Variants in NFIB observed in about 807,000 individuals in gnomAD.
NFIB encodes the protein nuclear factor 1 B-type.
NFIB carries 11 observed loss-of-function variants against 61.5 expected under a neutral mutation model. The ratio of observed to expected loss-of-function variants is 0.18; its 90% CI spans 0.11 to 0.30. The LOEUF is 0.30. Among genes scored for constraint, NFIB ranks in the 10% least tolerant of loss-of-function variants. The pLI is 1.00. For synonymous variants in NFIB, 260 were observed against 216.5 expected (o/e 1.20, Z -1.76); for missense variants, 471 against 608.9 (o/e 0.77, Z 2.38).
chr9:14,460,365 T>C, the NFIB span, among the ~76,000 whole-genome samples: 1 of 133,482 alleles, frequency 7.5e-6, no homozygotes, highest in African/African-American at 2.8e-5. Context: ...CCGGGGCCTG[T>C]TGCGGGGTGG....
chr9:14,297,739 AAT>A (rs1206981738), intron 2 of NFIB, among the ~76,000 whole-genome samples: 1 of 152,210 alleles, frequency 6.6e-6, no homozygotes, highest in African/African-American at 2.4e-5. Flanking sequence ...TTCCTCTAAT[AAT>A]TTAAAAATAA....
At chr9:14,386,874 T>A (rs1255166663) in intron 1 of NFIB, among the ~76,000 whole-genome samples, 1 of 152,138 alleles carries the variant, frequency 6.6e-6, no homozygotes, top group African/African-American at 2.4e-5. Context: ...CAAAGGAGGG[T>A]TCCACAGACA....
intron 1 of NFIB, among the ~76,000 whole-genome samples, chr9:14,310,047 AAC>A (rs1316111786): frequency 6.6e-5 from 10 of 152,226 alleles, no homozygotes; most frequent in African/African-American, 2.4e-4. Flanking sequence ...AAAGACATCA[AAC>A]ACAGTTTTGA....
At chr9:14,115,513 G>A (rs940022501) in intron 9 of NFIB, among the ~76,000 whole-genome samples, 3 of 152,060 alleles carry the variant, frequency 2.0e-5, no homozygotes, top group African/African-American at 4.8e-5. Context: ...TTATTGGTAC[G>A]TGTTAGGAAG....
At chr9:14,466,188 TG>T in the NFIB span, among the ~76,000 whole-genome samples, 1 of 152,154 alleles carries the variant, frequency 6.6e-6, no homozygotes, top group Non-Finnish European at 1.5e-5. Flanking sequence ...AAGGCCTGTC[TG>T]GGATGGTGCA....
intron 7 of NFIB, among the ~76,000 whole-genome samples, chr9:14,121,147 C>G (rs1008777829): frequency 3.9e-5 from 6 of 152,136 alleles, no homozygotes; most frequent in Non-Finnish European, 5.9e-5. Context: ...ACCTGTAATC[C>G]CAGCTACTTG....
At chr9:14,125,903 G>C (rs2039583177) in intron 6 of NFIB, 137 bp from the exon 7 acceptor site, 1 of 1,155,604 alleles carries the variant, frequency 8.7e-7, no homozygotes, top group Non-Finnish European at 1.2e-6. Flanking sequence ...TATTCTGAGT[G>C]TCAACGATCC....
At chr9:14,261,517 T>G (rs1563954483) in intron 2 of NFIB, among the ~76,000 whole-genome samples, 1 of 152,008 alleles carries the variant, frequency 6.6e-6, no homozygotes, top group Non-Finnish European at 1.5e-5. Flanking sequence ...TGTTGAAAAT[T>G]AACTCACAAA....
At chr9:14,266,546 G>A (rs958835321) in intron 2 of NFIB, among the ~76,000 whole-genome samples, 13 of 151,966 alleles carry the variant, frequency 8.6e-5, no homozygotes, top group African/African-American at 2.4e-4. Context: ...AAGGAGCCAC[G>A]GTCTTGTCTC....
the NFIB span, among the ~76,000 whole-genome samples, chr9:14,461,918 G>T: frequency 1.2e-4 from 18 of 152,158 alleles, no homozygotes; most frequent in East Asian, 1.7e-3. Flanking sequence ...CAAAAGCAAG[G>T]GGAGAACTGG....
chr9:14,165,568 C>T (rs1400118807), intron 3 of NFIB, among the ~76,000 whole-genome samples: 3 of 152,138 alleles, frequency 2.0e-5, no homozygotes, highest in Admixed American at 2.0e-4. Context: ...CACCAAGAGG[C>T]AGGCTTACCT....
the NFIB span, among the ~76,000 whole-genome samples, chr9:14,517,431 A>C: frequency 5.3e-5 from 8 of 152,220 alleles, no homozygotes; most frequent in Non-Finnish European, 1.0e-4. Flanking sequence ...AATGCTGCTG[A>C]TAAGGATTAT....
chr9:14,113,306 A>C (rs1260718974), intron 9 of NFIB, among the ~76,000 whole-genome samples: 1 of 152,230 alleles, frequency 6.6e-6, no homozygotes, highest in African/African-American at 2.4e-5. Flanking sequence ...CCAGTAAAGC[A>C]GATCTCATAC....
chr9:14,352,272 G>C (rs1161364596), intron 1 of NFIB, among the ~76,000 whole-genome samples: 1 of 150,410 alleles, frequency 6.6e-6, no homozygotes, highest in East Asian at 1.9e-4. Flanking sequence ...ATTTTTTTTT[G>C]GTGATGTATT....
intron 10 of NFIB, among the ~76,000 whole-genome samples, chr9:14,109,951 C>T (rs985920977): frequency 1.3e-5 from 2 of 152,084 alleles, no homozygotes; most frequent in East Asian, 3.9e-4. Context: ...AAAAGGAACA[C>T]AAAGATGTAT....
chr9:14,259,587 T>C (rs2056552077), intron 2 of NFIB, among the ~76,000 whole-genome samples: 1 of 152,118 alleles, frequency 6.6e-6, no homozygotes, highest in Admixed American at 6.5e-5. Flanking sequence ...TACATTGATG[T>C]TGGCAGGATC....
intron 2 of NFIB, among the ~76,000 whole-genome samples, chr9:14,229,603 G>C (rs376409863): frequency 2.0e-5 from 3 of 152,218 alleles, no homozygotes; most frequent in East Asian, 3.9e-4. Context: ...CCTTTCTGCT[G>C]AGGAAGAAGA....
At chr9:14,102,685 TAG>T (rs1277455068) in intron 10 of NFIB, among the ~76,000 whole-genome samples, 17 of 151,800 alleles carry the variant, frequency 1.1e-4, no homozygotes, top group Admixed American at 1.0e-3. Flanking sequence ...GCAAAATTCC[TAG>T]ACTCTTTTTT....
chr9:14,250,484 T>C (rs2055474332), intron 2 of NFIB, among the ~76,000 whole-genome samples: 1 of 152,146 alleles, frequency 6.6e-6, no homozygotes, highest in Non-Finnish European at 1.5e-5. Context: ...TTCAGGTGTG[T>C]CCCAAGATAA....
Sources: gnomAD v4.1 joint callset for allele counts (sites outside exome capture counted in the v4.1 genomes callset) on GRCh38, gnomAD v4.1.1 for gene constraint, MANE v1.5 for transcripts, NCBI Gene and HGNC (gene_info 2026-07-23, HGNC 2026-07-21) for gene names.